Variants in NME7 observed in about 807,000 individuals in gnomAD.
The protein encoded by NME7 is NME/NM23 family member 7, also known as nucleoside diphosphate kinase 7.
Under a neutral mutation model 49.1 loss-of-function variants are expected in NME7, and 41 were observed. That is an observed-to-expected ratio of 0.83 (90% confidence interval 0.65 to 1.08). The LOEUF is 1.08. Ranked by LOEUF, NME7 falls within the 50% of genes least tolerant of loss-of-function variation. NME7 has a pLI of 0.00. For missense variants in NME7, 423 were observed against 463.4 expected (o/e 0.91, Z 0.80); for synonymous variants, 139 against 150.6 (o/e 0.92, Z 0.56).
rs372961097 is a variant in NME7, at chr1:169,163,759, TA to T, written c.1098+5687del. On this transcript the variant is annotated intron_variant, in intron 11 of 11. Coordinates refer to ENST00000367811, the MANE Select transcript of NME7 (RefSeq NM_013330.5). Reference sequence around the variant, plus strand: ...TTGATGACTTACTCTCAAATGTTCATAAAAAATTTATTGTACTGTACCTGCA... The same window carrying T: ...TTGATGACTTACTCTCAAATGTTCATAAAAATTTATTGTACTGTACCTGCA... Among the ~76,000 whole-genome samples the T allele has an allele frequency of 8.0e-4, 122 of 152,242 alleles. 1 individual carries two copies. The highest frequency in any genetic ancestry group is 2.8e-3 in the African/African-American group (116 of 41,536).
chr1:169,246,679 A>G (rs1648330818), intron 7 of NME7, among the ~76,000 whole-genome samples: 1 of 152,086 alleles, frequency 6.6e-6, no homozygotes, highest in Non-Finnish European at 1.5e-5. Context: ...CCTGGGCTTA[A>G]GTGATTCAAC....
chr1:169,335,142 C>G (rs1220877861), intron 1 of NME7, among the ~76,000 whole-genome samples: 1 of 152,170 alleles, frequency 6.6e-6, no homozygotes, highest in Non-Finnish European at 1.5e-5. Context: ...TTGTGGAAGA[C>G]AGTATGGTGA....
At chr1:169,332,853 C>A (rs1271173154) in intron 1 of NME7, among the ~76,000 whole-genome samples, 3 of 152,076 alleles carry the variant, frequency 2.0e-5, no homozygotes, top group African/African-American at 7.2e-5. Context: ...GAACAGGGGA[C>A]CCTTGTACAC....
In NME7 at chr1:169,282,588, A is replaced by T. The variant is rs1428783375; in HGVS notation, c.754+4715T>A. ...CCTGCTTTCTCTTGTGGGCATTTAGAGCTATAATTTTCCATCTAAAGACTA... is the reference window on the plus strand; with the variant it reads ...CCTGCTTTCTCTTGTGGGCATTTAGTGCTATAATTTTCCATCTAAAGACTA... On this transcript the variant is annotated intron_variant, in intron 7 of 11. Coordinates refer to ENST00000367811, the MANE Select transcript of NME7 (RefSeq NM_013330.5). Among the ~76,000 whole-genome samples, 3 of 151,854 alleles carry T rather than the reference A, an allele frequency of 2.0e-5. No individual in the cohort carries two copies. The South Asian group carries it at 6.2e-4, about 32-fold the overall frequency.
At chr1:169,241,220 A>G (rs1200038003) in intron 7 of NME7, among the ~76,000 whole-genome samples, 1 of 152,092 alleles carries the variant, frequency 6.6e-6, no homozygotes, top group Non-Finnish European at 1.5e-5. Flanking sequence ...TGCATCTAAG[A>G]TATTCTTAAC....
At chr1:169,296,180 C>G (rs1018118361) in intron 6 of NME7, among the ~76,000 whole-genome samples, 5 of 152,166 alleles carry the variant, frequency 3.3e-5, no homozygotes, top group African/African-American at 1.2e-4. Flanking sequence ...TCTATATTCA[C>G]TAACTACAAT....
At chr1:169,187,456 T>G (rs1356660713) in intron 10 of NME7, among the ~76,000 whole-genome samples, 3 of 152,232 alleles carry the variant, frequency 2.0e-5, no homozygotes, top group Admixed American at 6.5e-5. Flanking sequence ...ATATTTAGGA[T>G]AGTTAGCTCT....
chr1:169,135,179 A>AC (rs2101802428), intron 11 of NME7, among the ~76,000 whole-genome samples: 1 of 152,014 alleles, frequency 6.6e-6, no homozygotes, highest in Admixed American at 6.6e-5. Flanking sequence ...GTCTTGAAAA[A>AC]CAAAAACAAA....
At chr1:169,287,790 T>TA (rs1650336379) in intron 6 of NME7, among the ~76,000 whole-genome samples, 1 of 152,062 alleles carries the variant, frequency 6.6e-6, no homozygotes, top group Non-Finnish European at 1.5e-5. Context: ...ATATGTAAAA[T>TA]AAAATTTAAA....
At chr1:169,160,983 C>T (rs1055793289) in intron 11 of NME7, among the ~76,000 whole-genome samples, 3 of 152,212 alleles carry the variant, frequency 2.0e-5, no homozygotes, top group Non-Finnish European at 4.4e-5. Flanking sequence ...TACCTAGTCT[C>T]TGTCCCCCTA....
chr1:169,293,302 A>C (rs1203481526), intron 6 of NME7, among the ~76,000 whole-genome samples: 1 of 55,814 alleles, frequency 1.8e-5, no homozygotes, highest in African/African-American at 1.1e-4. Context: ...TCTTGTCTCC[A>C]AAAAAAAAAA....
At chr1:169,357,261 T>G (rs1407471071) in intron 1 of NME7, among the ~76,000 whole-genome samples, 1 of 152,088 alleles carries the variant, frequency 6.6e-6, no homozygotes, top group Non-Finnish European at 1.5e-5. Context: ...CCTCCAAGAC[T>G]GTGAGCTTTT....
rs978516459 is a variant in NME7 at position 169,341,777 on chromosome 1, A to T, written c.4-17277T>A. ...TGGAGCTTTAATGAATTAAAAAAAAATTTTTTTAACAAGTACCCTGCCAGG... is the reference window on the plus strand; with the variant it reads ...TGGAGCTTTAATGAATTAAAAAAAATTTTTTTTAACAAGTACCCTGCCAGG... On this transcript the variant is annotated intron_variant, in intron 1 of 11. Coordinates refer to ENST00000367811, the MANE Select transcript of NME7 (RefSeq NM_013330.5). Among the ~76,000 whole-genome samples the T allele has an allele frequency of 7.2e-4, 109 of 152,184 alleles. 1 individual carries two copies. Among genetic ancestry groups the T allele is most frequent in the African/African-American group, 2.2e-3 (93 of 41,524 alleles).
At chr1:169,137,222 G>A (rs931551381) in intron 11 of NME7, among the ~76,000 whole-genome samples, 4 of 152,226 alleles carry the variant, frequency 2.6e-5, no homozygotes, top group African/African-American at 4.8e-5. Context: ...TGTGCACGGG[G>A]CCACATGCCT....
intron 7 of NME7, among the ~76,000 whole-genome samples, chr1:169,267,040 C>T (rs1461038244): frequency 7.5e-6 from 1 of 133,214 alleles, no homozygotes; most frequent in African/African-American, 2.5e-5. Context: ...TGCACTCCAG[C>T]CTGGGTGACA....
At chr1:169,160,343 A>T (rs763075071) in intron 11 of NME7, among the ~76,000 whole-genome samples, 1 of 152,170 alleles carries the variant, frequency 6.6e-6, no homozygotes, top group Non-Finnish European at 1.5e-5. Flanking sequence ...TAATAACACC[A>T]TAATACATGT....
chr1:169,220,133 C>T (rs573089021), intron 10 of NME7, among the ~76,000 whole-genome samples: 7 of 152,194 alleles, frequency 4.6e-5, no homozygotes, highest in Non-Finnish European at 8.8e-5. Flanking sequence ...GAGAAGTGGG[C>T]CTGTACTTAA....
intron 10 of NME7, among the ~76,000 whole-genome samples, chr1:169,179,148 A>G (rs777905593): frequency 7.2e-4 from 110 of 152,194 alleles, no homozygotes; most frequent in Middle Eastern, 3.2e-3. Context: ...CAGTGAAGTT[A>G]TAAAAGTACC....
At chr1:169,189,908 G>T (rs1660169120) in intron 10 of NME7, among the ~76,000 whole-genome samples, 1 of 152,050 alleles carries the variant, frequency 6.6e-6, no homozygotes. Flanking sequence ...AGGTTAATTC[G>T]TGTTCCAAAT....
Sources: allele counts gnomAD v4.1 joint callset (sites outside exome capture counted in the v4.1 genomes callset), GRCh38; gene constraint gnomAD v4.1.1; transcripts MANE v1.5; gene names NCBI Gene and HGNC (gene_info 2026-07-23, HGNC 2026-07-21).